ULK4: variants seen among roughly 807,000 people sequenced by gnomAD.
ULK4 encodes the protein unc-51 like kinase 4, also known as inactive serine/threonine-protein kinase ULK4.
A neutral mutation model predicts 160.6 loss-of-function variants in ULK4; 133 were observed. The ratio of observed to expected loss-of-function variants is 0.83; its 90% confidence interval spans 0.72 to 0.96. The LOEUF (loss-of-function observed/expected upper bound fraction) is 0.96, where lower values mean the gene tolerates loss of function less well. Among genes scored for constraint, ULK4 ranks in the 40% least tolerant of loss-of-function variants. ULK4 has a pLI of 0.00. For synonymous variants in ULK4, 534 were observed against 539.8 expected, an observed-to-expected ratio of 0.99 and a Z score of 0.15; for missense variants, 1,580 against 1,499.5, an observed-to-expected ratio of 1.05 and a Z score of -0.89.
At chr3:41,678,219 CACACACAG>C (rs1440820643) in intron 29 of ULK4, among the ~76,000 whole-genome samples, 6 of 151,030 alleles carry the variant, frequency 4.0e-5, no homozygotes, top group African/African-American at 1.5e-4. Flanking sequence ...CACACACACA[CACACACAG>C]AGCTCCTACT....
intron 22 of ULK4, among the ~76,000 whole-genome samples, chr3:41,751,541 GGTCA>G (rs1178379802): frequency 6.6e-6 from 1 of 152,156 alleles, no homozygotes; most frequent in African/African-American, 2.4e-5. Context: ...GAAGAGTGGA[GGTCA>G]GTGTCAGGGG....
At chr3:41,884,100 A>G (rs1697629161) in intron 16 of ULK4, 148 bp from the exon 17 acceptor site, 7 of 653,952 alleles carry the variant, frequency 1.1e-5, no homozygotes, top group South Asian at 9.4e-5. Context: ...ACACTCCCAC[A>G]TGTACACAGC....
At chr3:41,725,375 TTC>T (rs1056780364) in intron 22 of ULK4, among the ~76,000 whole-genome samples, 13 of 152,312 alleles carry the variant, frequency 8.5e-5, no homozygotes, top group African/African-American at 2.6e-4. Flanking sequence ...ACCCACAATT[TTC>T]TGTTTTCCTC....
chr3:41,560,177 G>T (rs972510148), intron 32 of ULK4, among the ~76,000 whole-genome samples: 2 of 152,074 alleles, frequency 1.3e-5, no homozygotes, highest in East Asian at 3.9e-4. Context: ...GGTTGTAGAT[G>T]AGTGGTGTTA....
chr3:41,834,700 G>A (rs2041701748), intron 18 of ULK4, among the ~76,000 whole-genome samples: 1 of 152,156 alleles, frequency 6.6e-6, no homozygotes, highest in African/African-American at 2.4e-5. Context: ...AGATACTAAG[G>A]ATATTGAGGT....
intron 17 of ULK4, among the ~76,000 whole-genome samples, chr3:41,877,136 A>C (rs974540710): frequency 2.0e-5 from 3 of 152,236 alleles, no homozygotes; most frequent in African/African-American, 7.2e-5. Context: ...AAAAGTACAA[A>C]GTGAAGAATT....
chr3:41,293,767 T>G (rs942582519), intron 35 of ULK4, among the ~76,000 whole-genome samples: 1 of 152,208 alleles, frequency 6.6e-6, no homozygotes, highest in African/African-American at 2.4e-5. Context: ...TGGCATACAG[T>G]AACTTGTTAT....
chr3:41,778,098 C>T lies in ULK4; in HGVS notation c.2193+11563G>A, dbSNP rs192325969. Among the ~76,000 whole-genome samples the T allele has an allele frequency of 6.9e-3, 870 of 125,498 alleles. 98 individuals are homozygous for T. The highest frequency in any genetic ancestry group is 0.033 in the African/African-American group (830 of 25,296). 82.3% of individuals were successfully genotyped at this position (125,498 alleles called of 152,430 possible). A position where few individuals can be genotyped will look rare whatever the true frequency, so the allele number is the denominator to read the frequency against. On this transcript the variant is annotated intron_variant, in intron 21 of 36. Coordinates refer to ENST00000301831, the MANE Select transcript of ULK4 (RefSeq NM_017886.4). ...TCTAGAAAACCCCACTGTCTCAGCC[C>T]AAAATCTCCTTAAGCTGATAAGCAA...
chr3:41,357,233 T>C (rs56259019), intron 35 of ULK4, among the ~76,000 whole-genome samples: 5,923 of 152,256 alleles, frequency 0.039, 305 homozygotes, highest in East Asian at 0.19. Flanking sequence ...AAATAAATAC[T>C]TAAGGAAGTT....
At chr3:41,367,159 T>C (rs568376423) in intron 35 of ULK4, among the ~76,000 whole-genome samples, 34 of 152,334 alleles carry the variant, frequency 2.2e-4, no homozygotes, top group Admixed American at 3.9e-4. Flanking sequence ...GCTACCGACT[T>C]CCTCAAATGC....
At chr3:41,744,549 C>T (rs549451705) in intron 22 of ULK4, among the ~76,000 whole-genome samples, 3 of 151,528 alleles carry the variant, frequency 2.0e-5, no homozygotes, top group Non-Finnish European at 2.9e-5. Context: ...AAATACAGAG[C>T]AAAATTTGTT....
At chr3:41,758,876 T>TAA (rs553645048) in intron 21 of ULK4, among the ~76,000 whole-genome samples, 9 of 132,528 alleles carry the variant, frequency 6.8e-5, no homozygotes, top group Non-Finnish European at 1.1e-4. Flanking sequence ...CCATCTCAAT[T>TAA]AAAAAAAAAA....
At chr3:41,615,099 A>AC (rs2032898109) in intron 31 of ULK4, among the ~76,000 whole-genome samples, 1 of 152,202 alleles carries the variant, frequency 6.6e-6, no homozygotes, top group African/African-American at 2.4e-5. Flanking sequence ...AAGAAAGTTG[A>AC]CCCCGCATCC....
intron 31 of ULK4, among the ~76,000 whole-genome samples, chr3:41,566,983 A>G (rs912439118): frequency 3.9e-5 from 6 of 152,230 alleles, no homozygotes; most frequent in Non-Finnish European, 5.9e-5. Flanking sequence ...ACCCACTGAC[A>G]GTGAGGACTC....
chr3:41,694,983 A>G (rs1414854635), intron 27 of ULK4, among the ~76,000 whole-genome samples: 1 of 152,170 alleles, frequency 6.6e-6, no homozygotes, highest in Non-Finnish European at 1.5e-5. Flanking sequence ...TAATAATAGA[A>G]ATGTGTTTCT....
intron 32 of ULK4, among the ~76,000 whole-genome samples, chr3:41,492,882 C>T (rs1293933757): frequency 7.0e-6 from 1 of 142,234 alleles, no homozygotes; most frequent in Non-Finnish European, 1.5e-5. Flanking sequence ...AGCTAACTAT[C>T]CTAAATATAT....
chr3:41,756,460 T>G (rs2038806531), intron 21 of ULK4, among the ~76,000 whole-genome samples: 1 of 152,188 alleles, frequency 6.6e-6, no homozygotes. Context: ...CTTTTCATTA[T>G]CTTCCCAAAA....
chr3:41,740,445 G>C (rs2038203998), intron 22 of ULK4, among the ~76,000 whole-genome samples: 1 of 151,774 alleles, frequency 6.6e-6, no homozygotes, highest in South Asian at 2.1e-4. Flanking sequence ...CATGTTGAGA[G>C]ATGCATAGGC....
In ULK4 at chr3:41,395,424, C is replaced by T. The variant is rs78802911; in HGVS notation, c.3678+2655G>A. 7.0e-3 allele frequency among the ~76,000 whole-genome samples: 1,058 copies of T among 152,216 alleles called. 4 individuals carry two copies. Among genetic ancestry groups the T allele is most frequent in the African/African-American group, 0.016 (654 of 41,564 alleles). On this transcript the variant is annotated intron_variant, in intron 35 of 36. Coordinates refer to ENST00000301831, the MANE Select transcript of ULK4 (RefSeq NM_017886.4). ...ACATTTTTAAAATGTGGTATACACA[C>T]ACAATGGATTATTAGCCCTAAAAAC...
Sources: gnomAD v4.1 joint callset for allele counts (sites outside exome capture counted in the v4.1 genomes callset) on GRCh38, gnomAD v4.1.1 for gene constraint, MANE v1.5 for transcripts, NCBI Gene and HGNC (gene_info 2026-07-23, HGNC 2026-07-21) for gene names.